HAT1: variants seen among roughly 807,000 people sequenced by gnomAD.
HAT1 encodes histone acetyltransferase 1.
HAT1 carries 20 observed loss-of-function variants against 56.6 expected under a neutral mutation model. The ratio of observed to expected loss-of-function variants is 0.35; its 90% CI spans 0.25 to 0.51. The LOEUF is 0.51. Among genes scored for constraint, HAT1 ranks in the 20% least tolerant of loss-of-function variants. The pLI is 0.95. For missense variants in HAT1, 408 were observed against 504.3 expected, an observed-to-expected ratio of 0.81 and a Z score of 1.83; for synonymous variants, 146 against 165.5, an observed-to-expected ratio of 0.88 and a Z score of 0.91.
chr2:171,941,023 C>T (rs1335845428), intron 2 of HAT1, among the ~76,000 whole-genome samples: 3 of 152,060 alleles, frequency 2.0e-5, no homozygotes, highest in Non-Finnish European at 4.4e-5. Context: ...ATGGAAGTCG[C>T]AAATAAAATA....
intron 2 of HAT1, 28 bp downstream of exon 2, chr2:171,925,669 A>G (rs1189227859): frequency 1.1e-6 from 1 of 899,874 alleles, no homozygotes; most frequent in East Asian, 2.4e-5. Flanking sequence ...AAGTGATGTT[A>G]TGTACATACT....
chr2:171,976,452 T>C lies in HAT1; in HGVS notation c.975+144T>C, dbSNP rs571105329. On this transcript the variant is annotated intron_variant, in intron 9 of 10. Transcript: ENST00000264108. Reference sequence around the variant, plus strand: ...TAACAGTACAGCTTTGAAGCCAAATTGCCTGAGTTCAAATCTAGCTCCAAC... The same window carrying C: ...TAACAGTACAGCTTTGAAGCCAAATCGCCTGAGTTCAAATCTAGCTCCAAC... 7.7e-6 allele frequency: 3 copies of C among 390,384 alleles called. No individual in the cohort carries two copies. In the Admixed American group the frequency reaches 1.4e-4, roughly 18 times the overall value. The allele number at this position is 390,384 out of a possible 1,614,324, so 24.2% of individuals were successfully genotyped here. A position where few individuals can be genotyped will look rare whatever the true frequency, so the allele number is the denominator to read the frequency against.
intron 2 of HAT1, among the ~76,000 whole-genome samples, chr2:171,943,301 C>T (rs1687070659): frequency 7.0e-6 from 1 of 143,332 alleles, no homozygotes; most frequent in Non-Finnish European, 1.5e-5. Context: ...ATCCCAGCTA[C>T]TTGGGAGGCT....
At chr2:171,938,074 C>CTCTCTT (rs1686922702) in intron 2 of HAT1, among the ~76,000 whole-genome samples, 2 of 135,822 alleles carry the variant, frequency 1.5e-5, no homozygotes, top group African/African-American at 5.6e-5. Flanking sequence ...CTCTCTCTCT[C>CTCTCTT]TTTAAATGAA....
At position 171,922,595 on chromosome 2, in the gene HAT1, A is replaced by T. The variant is rs1686466312; in HGVS notation, c.7+88A>T. On this transcript the variant is annotated intron_variant, in intron 1 of 10. Transcript: ENST00000264108. ...GACGGTGGTGACAATGCCCGCCTAGAACTTTCGGGCTGTAGCCTGGGTTCC... is the reference window on the plus strand; with the variant it reads ...GACGGTGGTGACAATGCCCGCCTAGTACTTTCGGGCTGTAGCCTGGGTTCC... 5 of 1,127,376 alleles carry T rather than the reference A, an allele frequency of 4.4e-6. No homozygotes were observed. The East Asian group carries it at 1.4e-4, about 33-fold the overall frequency. 69.8% of individuals were successfully genotyped at this position (1,127,376 alleles called of 1,614,324 possible).
intron 1 of HAT1, chr2:171,923,257 T>TTTTGAAGTTATGGACAGTTTC (rs1443742160): frequency 6.6e-6 from 1 of 152,190 alleles, no homozygotes; most frequent in African/African-American, 2.4e-5. Flanking sequence ...ATTACTTATC[T>TTTTGAAGTTATGGACAGTTTC]TTTGAAGTTA....
At chr2:171,947,453 C>T (rs909814929) in intron 3 of HAT1, among the ~76,000 whole-genome samples, 1 of 151,536 alleles carries the variant, frequency 6.6e-6, no homozygotes, top group African/African-American at 2.4e-5. Context: ...ATTGGGTCTC[C>T]CTATGTTGCC....
intron 2 of HAT1, among the ~76,000 whole-genome samples, chr2:171,941,281 C>T (rs915678045): frequency 2.6e-5 from 4 of 152,076 alleles, no homozygotes; most frequent in East Asian, 1.9e-4. Flanking sequence ...GGCGGGATCT[C>T]GGCTCACTGC....
chr2:171,957,626 A>G (rs1485897707), intron 4 of HAT1, among the ~76,000 whole-genome samples: 8 of 152,164 alleles, frequency 5.3e-5, no homozygotes, highest in African/African-American at 1.7e-4. Context: ...GTTTGGATAG[A>G]ATGAATGTAT....
At chr2:171,932,644 G>T (rs1421810392) in intron 2 of HAT1, among the ~76,000 whole-genome samples, 1 of 152,162 alleles carries the variant, frequency 6.6e-6, no homozygotes, top group African/African-American at 2.4e-5. Context: ...AAGGCAGAAG[G>T]ATCGCTTGAG....
At chr2:171,970,465 T>C (rs1375755191) in intron 8 of HAT1, among the ~76,000 whole-genome samples, 2 of 146,494 alleles carry the variant, frequency 1.4e-5, no homozygotes, top group Non-Finnish European at 3.0e-5. Flanking sequence ...ACACTAAATG[T>C]TAGTTTAAAT....
At chr2:171,938,766 G>A (rs1686941148) in intron 2 of HAT1, among the ~76,000 whole-genome samples, 5 of 151,758 alleles carry the variant, frequency 3.3e-5, no homozygotes, top group Admixed American at 1.3e-4. Flanking sequence ...TTTGAGACAG[G>A]GTCTTGCTCT....
intron 2 of HAT1, among the ~76,000 whole-genome samples, chr2:171,938,280 G>C (rs1435569923): frequency 1.3e-5 from 2 of 152,104 alleles, no homozygotes; most frequent in African/African-American, 4.8e-5. Flanking sequence ...AAGAATCATT[G>C]CAGGCCCTAT....
At chr2:171,943,360 G>A (rs1360058896) in intron 2 of HAT1, among the ~76,000 whole-genome samples, 1 of 125,796 alleles carries the variant, frequency 7.9e-6, no homozygotes, top group Admixed American at 1.0e-4. Flanking sequence ...GCAGTGAGCC[G>A]AGATCATGCA....
chr2:171,956,341 CACACACACACGCTG>C (rs757554876), intron 4 of HAT1, among the ~76,000 whole-genome samples: 7 of 151,772 alleles, frequency 4.6e-5, no homozygotes, highest in Non-Finnish European at 7.4e-5. Flanking sequence ...CACGCATGCA[CACACACACACGCTG>C]ACACACACAC....
At chr2:171,978,184 C>G (rs1244786792) in intron 9 of HAT1, among the ~76,000 whole-genome samples, 2 of 151,864 alleles carry the variant, frequency 1.3e-5, no homozygotes, top group African/African-American at 4.8e-5. Flanking sequence ...CCCACCTCAG[C>G]CTCCCAAGTA....
In HAT1 at chr2:171,953,002, GT is replaced by G; in HGVS notation, c.309+2del. Reference sequence around the variant, plus strand: ...TGATGAGAACTTTGACTGTGTAGAGGTAAGAACAGAAATACTTTTTAAACTG... The same window carrying G: ...TGATGAGAACTTTGACTGTGTAGAGGAAGAACAGAAATACTTTTTAAACTG... On this transcript the variant is annotated splice_donor_variant, in intron 4 of 10. Transcript: ENST00000264108. LOFTEE classifies it high-confidence loss of function. 1.9e-6 allele frequency: 3 copies of G among 1,565,658 alleles called. No individual in the cohort carries two copies. Among genetic ancestry groups the G allele is most frequent in the Non-Finnish European group, 2.6e-6 (3 of 1,152,804 alleles).
At chr2:171,943,691 C>G (rs1687086056) in intron 2 of HAT1, among the ~76,000 whole-genome samples, 2 of 148,434 alleles carry the variant, frequency 1.3e-5, no homozygotes, top group South Asian at 2.1e-4. Flanking sequence ...CATCATGACA[C>G]TTCCCTATAG....
chr2:171,973,460 T>G (rs1459061337), intron 8 of HAT1, among the ~76,000 whole-genome samples: 1 of 150,554 alleles, frequency 6.6e-6, no homozygotes, highest in Non-Finnish European at 1.5e-5. Context: ...ACATTGAATC[T>G]GTCATTAATT....
Sources: allele counts gnomAD v4.1 joint callset (sites outside exome capture counted in the v4.1 genomes callset), GRCh38; gene constraint gnomAD v4.1.1; transcripts MANE v1.5; gene names NCBI Gene and HGNC (gene_info 2026-07-23, HGNC 2026-07-21).